The following DHX9 variants were observed in gnomAD, a reference collection of about 807,000 sequenced individuals.
DHX9 encodes the protein DExH-box helicase 9.
Under a neutral mutation model 148.7 loss-of-function variants are expected in DHX9, and 27 were observed. The observed-to-expected ratio is 0.18, with a 90% confidence interval of 0.13 to 0.25. DHX9 has a LOEUF of 0.25. Among genes scored for constraint, DHX9 ranks in the 10% least tolerant of loss-of-function variants. The pLI is 1.00. For missense variants in DHX9, 796 were observed against 1,559.6 expected (o/e 0.51, Z 8.25); for synonymous variants, 529 against 516.6 (o/e 1.02, Z -0.33).
rs1323003587 is a variant in DHX9 at position 182,877,829 on chromosome 1, T to C, written c.2199-192T>C. 5 of 639,202 alleles carry C rather than the reference T, an allele frequency of 7.8e-6. No homozygotes were observed. The African/African-American group carries it at 9.2e-5, about 12-fold the overall frequency. 39.6% of individuals were successfully genotyped at this position (639,202 alleles called of 1,614,324 possible). ...TGATAAGTGGCAAGTGGATGTTACA[T>C]TGCCTTTTAGTAGGTTGACAACTAG... On this transcript the variant is annotated intron_variant, in intron 19 of 27. Transcript: ENST00000367549.
chr1:182,840,164 G>T (rs770556096), intron 1 of DHX9, among the ~76,000 whole-genome samples: 1 of 152,124 alleles, frequency 6.6e-6, no homozygotes, highest in Non-Finnish European at 1.5e-5. Flanking sequence ...TATTTCACTA[G>T]CCCGGGTGTG....
At chr1:182,882,584 C>T (rs1264286910) in intron 24 of DHX9, among the ~76,000 whole-genome samples, 2 of 152,088 alleles carry the variant, frequency 1.3e-5, no homozygotes, top group East Asian at 1.9e-4. Flanking sequence ...GTAATCACCC[C>T]GGCCGGGCGC....
At position 182,887,730 on chromosome 1, in the gene DHX9, A is replaced by G. The variant is rs982848313; in HGVS notation, c.*296A>G. The G allele has an allele frequency of 6.4e-6, 2 of 314,092 alleles. No homozygotes were observed. The highest frequency in any genetic ancestry group is 9.0e-5 in the Admixed American group (2 of 22,148). The allele number at this position is 314,092 out of a possible 1,614,324, so 19.5% of individuals were successfully genotyped here. ...CCTGGCTTTCGTTTAATACAATAGA[A>G]AATAAAGTATTACACCGAATACTTG... On this transcript the variant is annotated 3_prime_UTR_variant, in exon 28 of 28. Transcript: ENST00000367549.
intron 3 of DHX9, among the ~76,000 whole-genome samples, chr1:182,843,811 C>T (rs549437046): frequency 2.0e-5 from 3 of 152,318 alleles, no homozygotes; most frequent in South Asian, 2.1e-4. Flanking sequence ...CCCCCTGCCC[C>T]GTAAGCGATG....
At chr1:182,866,923 A>T in intron 13 of DHX9, 38 bp from the exon 14 acceptor site, 1 of 1,518,664 alleles carries the variant, frequency 6.6e-7, no homozygotes, top group Non-Finnish European at 9.0e-7. Flanking sequence ...TACTACTTTG[A>T]ACTTTTCTAT....
chr1:182,852,861 AT>A lies in DHX9; in HGVS notation c.365-443del, dbSNP rs1668179822. On this transcript the variant is annotated intron_variant, in intron 4 of 27. Transcript: ENST00000367549. ...TATTGGGATGTCTACCATATGGTAG[AT>A]TAGGATTTGGGTCATATTGCTTAAG... is the stretch of plus-strand genomic sequence containing the variant. Among the ~76,000 whole-genome samples the A allele has an allele frequency of 2.6e-5, 4 of 152,130 alleles. 1 individual carries two copies. The South Asian group carries it at 8.3e-4, about 32-fold the overall frequency.
chr1:182,864,837 G>A (rs1382415344), intron 12 of DHX9, among the ~76,000 whole-genome samples: 3 of 152,158 alleles, frequency 2.0e-5, no homozygotes, highest in Admixed American at 6.5e-5. Context: ...GATTTAAGAC[G>A]TTTGTGTTTT....
intron 3 of DHX9, among the ~76,000 whole-genome samples, chr1:182,851,751 C>A (rs546533482): frequency 1.3e-5 from 2 of 152,074 alleles, no homozygotes; most frequent in African/African-American, 2.4e-5. Flanking sequence ...TTTCTTAATA[C>A]GTAGTACTAA....
chr1:182,844,113 A>G (rs916475684), intron 3 of DHX9, among the ~76,000 whole-genome samples: 14 of 151,944 alleles, frequency 9.2e-5, no homozygotes, highest in Non-Finnish European at 1.6e-4. Flanking sequence ...ATGCCCAGCT[A>G]TTTTTTATGT....
intron 1 of DHX9, 107 bp from the exon 2 acceptor site, chr1:182,842,438 A>G: frequency 1.7e-6 from 1 of 601,426 alleles, no homozygotes; most frequent in Non-Finnish European, 2.9e-6. Flanking sequence ...TAATAGCAAC[A>G]TGATAGAATA....
At chr1:182,842,009 A>G (rs2102585590) in intron 1 of DHX9, among the ~76,000 whole-genome samples, 1 of 152,364 alleles carries the variant, frequency 6.6e-6, no homozygotes, top group East Asian at 1.9e-4. Context: ...CATAATCAGA[A>G]TGAGAATAAA....
At chr1:182,851,230 C>T (rs1668140097) in intron 3 of DHX9, among the ~76,000 whole-genome samples, 1 of 152,110 alleles carries the variant, frequency 6.6e-6, no homozygotes, top group Non-Finnish European at 1.5e-5. Context: ...CAACATTAGA[C>T]ATGTTGCTAT....
intron 24 of DHX9, among the ~76,000 whole-genome samples, chr1:182,882,607 C>G (rs1571322829): frequency 6.6e-6 from 1 of 152,226 alleles, no homozygotes; most frequent in East Asian, 1.9e-4. Flanking sequence ...TGGCTCACAC[C>G]TGTAATCCCA....
intron 14 of DHX9, among the ~76,000 whole-genome samples, chr1:182,868,211 T>C (rs1648386821): frequency 6.6e-6 from 1 of 152,160 alleles, no homozygotes; most frequent in African/African-American, 2.4e-5. Context: ...TACTGATTCA[T>C]CCATCAGTAT....
intron 24 of DHX9, 118 bp downstream of exon 24, chr1:182,881,765 CGACT>C: frequency 9.2e-7 from 1 of 1,086,484 alleles, no homozygotes; most frequent in Non-Finnish European, 1.3e-6. Flanking sequence ...TATATATTCC[CGACT>C]ATTTCTTAGT....
intron 19 of DHX9, chr1:182,877,702 A>G (rs1648875698): frequency 4.1e-6 from 1 of 244,780 alleles, no homozygotes; most frequent in Admixed American, 5.1e-5. Flanking sequence ...TGTATGTGCC[A>G]TATTCCATTT....
chr1:182,873,556 G>A (rs1183943173), intron 15 of DHX9, among the ~76,000 whole-genome samples: 5 of 152,222 alleles, frequency 3.3e-5, no homozygotes, highest in African/African-American at 1.2e-4. Flanking sequence ...TTAAGGATAA[G>A]TGGGATTGCT....
Position 182,881,265 on chromosome 1 carries a change from G to C in DHX9, c.2626G>C (p.Val876Leu), listed in dbSNP as rs969290664. The C allele has an allele frequency of 1.2e-6, 2 of 1,611,606 alleles. No homozygotes were observed. Among genetic ancestry groups the C allele is most frequent in the Non-Finnish European group, 1.7e-6 (2 of 1,179,192 alleles). ...TTTAACTGTCTTTGTGTATTTCAGC[G>C]TGGGAGATGCTATCTGTACCATTGC... ...KMMIMGCIFY[V>L]GDAICTIAAA... The change falls in exon 23 of 28, where the codon GTG becomes CTG. Residue 876 changes from valine (V) to leucine (L), a missense_variant and splice_region_variant. Val to Leu is a conservative substitution (Grantham distance 32). Transcript: ENST00000367549.
At chr1:182,843,136 A>G (rs946993209) in intron 2 of DHX9, among the ~76,000 whole-genome samples, 158 bp from the exon 3 acceptor site, 2 of 152,214 alleles carry the variant, frequency 1.3e-5, no homozygotes, top group Admixed American at 6.5e-5. Flanking sequence ...AAGCTTTTTC[A>G]GTAGCTCATG....
Sources: gnomAD v4.1 joint callset for allele counts (sites outside exome capture counted in the v4.1 genomes callset) on GRCh38, gnomAD v4.1.1 for gene constraint, MANE v1.5 for transcripts, NCBI Gene and HGNC (gene_info 2026-07-23, HGNC 2026-07-21) for gene names.